Variants in CNTN5 observed in about 807,000 individuals in gnomAD.
CNTN5 encodes the protein contactin 5.
In CNTN5, 77 loss-of-function variants were observed where a neutral mutation model predicts 129.1. The observed-to-expected ratio is 0.60, with a 90% CI of 0.50 to 0.72. The LOEUF is 0.72. Ranked by LOEUF, CNTN5 falls within the 30% of genes least tolerant of loss-of-function variation. CNTN5 has a pLI of 0.00. For missense variants in CNTN5, 1,478 were observed against 1,328.8 expected (o/e 1.11, Z -1.75); for synonymous variants, 509 against 465.6 (o/e 1.09, Z -1.20).
At chr11:99,378,244 G>A (rs1474569622) in intron 2 of CNTN5, among the ~76,000 whole-genome samples, 1 of 151,982 alleles carries the variant, frequency 6.6e-6, no homozygotes, top group African/African-American at 2.4e-5. Flanking sequence ...GAACTTCCTT[G>A]TTAACTCATT....
intron 4 of CNTN5, among the ~76,000 whole-genome samples, chr11:99,827,730 TA>T (rs1947010605): frequency 6.6e-6 from 1 of 152,216 alleles, no homozygotes; most frequent in South Asian, 2.1e-4. Flanking sequence ...AGATTGGCTC[TA>T]AAAAGTAGCT....
At chr11:99,537,308 G>A (rs1371416028) in intron 2 of CNTN5, among the ~76,000 whole-genome samples, 1 of 152,070 alleles carries the variant, frequency 6.6e-6, no homozygotes, top group Non-Finnish European at 1.5e-5. Flanking sequence ...CATTTCGCAA[G>A]CAAATAAATC....
At chr11:100,273,600 C>T (rs975157239) in intron 18 of CNTN5, among the ~76,000 whole-genome samples, 1 of 152,070 alleles carries the variant, frequency 6.6e-6, no homozygotes, top group Non-Finnish European at 1.5e-5. Context: ...AGTGCCCTGC[C>T]CCCAGCCAAC....
intron 1 of CNTN5, among the ~76,000 whole-genome samples, chr11:99,252,807 CA>C (rs1467549035): frequency 2.0e-4 from 31 of 152,072 alleles, no homozygotes; most frequent in African/African-American, 6.0e-4. Context: ...TGCTCTAATT[CA>C]TTGGAGACAT....
In CNTN5 at chr11:100,357,798, T is replaced by C. The variant is rs1184678641; in HGVS notation, c.*1578T>C. The C allele has an allele frequency of 6.6e-6, 1 of 151,948 alleles. No individual in the cohort carries two copies. Among genetic ancestry groups the C allele is most frequent in the Non-Finnish European group, 1.5e-5 (1 of 67,810 alleles). The allele number at this position is 151,948 out of a possible 1,614,324, so 9.4% of individuals were successfully genotyped here. A position where few individuals can be genotyped will look rare whatever the true frequency, so the allele number is the denominator to read the frequency against. ...GAATCAGAGAAGTGATTGAAGTTTCTGTTCTGAACATCCTGAAAGAATAGT... is the reference window on the plus strand; with the variant it reads ...GAATCAGAGAAGTGATTGAAGTTTCCGTTCTGAACATCCTGAAAGAATAGT... On this transcript the variant is annotated 3_prime_UTR_variant, in exon 25 of 25. Transcript: ENST00000524871.
chr11:99,125,083 G>A (rs985663791), intron 1 of CNTN5, among the ~76,000 whole-genome samples: 8 of 151,924 alleles, frequency 5.3e-5, no homozygotes, highest in Non-Finnish European at 1.0e-4. Context: ...ACAAAAAATT[G>A]AGGAGGAAGG....
intron 9 of CNTN5, among the ~76,000 whole-genome samples, chr11:100,012,484 T>C (rs796576100): frequency 8.5e-5 from 13 of 152,192 alleles, no homozygotes; most frequent in African/African-American, 2.9e-4. Flanking sequence ...AGAGGTGTTA[T>C]GTGTTTTCAG....
intron 1 of CNTN5, among the ~76,000 whole-genome samples, chr11:99,037,576 CTTTTTTTT>C (rs1161467398): frequency 9.5e-6 from 1 of 105,668 alleles, no homozygotes; most frequent in Non-Finnish European, 1.9e-5. Context: ...TTTTTCTTTT[CTTTTTTTT>C]TTTTTTTTTT....
intron 16 of CNTN5, among the ~76,000 whole-genome samples, chr11:100,247,086 C>T (rs556958116): frequency 5.7e-4 from 87 of 152,246 alleles, no homozygotes; most frequent in African/African-American, 2.0e-3. Context: ...GTATGCAATA[C>T]AGGAATTTTA....
intron 1 of CNTN5, among the ~76,000 whole-genome samples, chr11:99,297,911 A>G (rs192512035): frequency 6.6e-6 from 1 of 152,184 alleles, no homozygotes; most frequent in Admixed American, 6.5e-5. Context: ...AAGCCAGTTC[A>G]TTCCTGTATC....
chr11:100,311,605 G>A (rs117135135), intron 21 of CNTN5, among the ~76,000 whole-genome samples: 4,256 of 152,058 alleles, frequency 0.028, 80 homozygotes, highest in Non-Finnish European at 0.039. Flanking sequence ...ACTCAATAAA[G>A]GAGAGGAGAG....
chr11:99,666,050 C>T (rs1353454619), intron 3 of CNTN5, among the ~76,000 whole-genome samples: 2 of 151,938 alleles, frequency 1.3e-5, no homozygotes, highest in Non-Finnish European at 2.9e-5. Flanking sequence ...CTGCAATCTC[C>T]ACCTCCCAGG....
chr11:99,077,498 A>C (rs530546485), intron 1 of CNTN5, among the ~76,000 whole-genome samples: 1 of 152,328 alleles, frequency 6.6e-6, no homozygotes, highest in African/African-American at 2.4e-5. Flanking sequence ...CATTTTAAAT[A>C]TCTCTGAGAT....
intron 3 of CNTN5, among the ~76,000 whole-genome samples, chr11:99,716,532 A>G (rs149787923): frequency 6.6e-6 from 1 of 152,130 alleles, no homozygotes; most frequent in Non-Finnish European, 1.5e-5. Context: ...CAGTCCCATA[A>G]GACAACTAAC....
chr11:99,841,797 ATATGTGGTGTGTGTG>A (rs1565592915), intron 4 of CNTN5, among the ~76,000 whole-genome samples: 1 of 9,756 alleles, frequency 1.0e-4, no homozygotes, highest in Admixed American at 3.8e-4. Context: ...ATATATATAT[ATATGTGGTGTGTGTG>A]TATATATGTG....
intron 17 of CNTN5, among the ~76,000 whole-genome samples, chr11:100,256,543 G>C (rs1950073787): frequency 6.6e-6 from 1 of 152,102 alleles, no homozygotes; most frequent in Non-Finnish European, 1.5e-5. Flanking sequence ...CTGGTCTGCA[G>C]TTCCCAATGA....
chr11:100,246,222 T>C (rs1949837144), intron 16 of CNTN5, among the ~76,000 whole-genome samples: 4 of 152,154 alleles, frequency 2.6e-5, no homozygotes, highest in Admixed American at 1.3e-4. Context: ...ATTTAGAAAG[T>C]ACTTTGTACA....
chr11:100,064,363 T>A (rs1167813135), intron 10 of CNTN5, among the ~76,000 whole-genome samples: 4 of 152,166 alleles, frequency 2.6e-5, no homozygotes, highest in Non-Finnish European at 5.9e-5. Flanking sequence ...CACATAAGTT[T>A]AAGCTGCAGA....
intron 6 of CNTN5, among the ~76,000 whole-genome samples, chr11:99,902,151 G>C (rs1253784297): frequency 6.6e-6 from 1 of 151,714 alleles, no homozygotes; most frequent in East Asian, 1.9e-4. Flanking sequence ...TCTAATAGTA[G>C]AAGATTAGTA....
Sources: allele counts gnomAD v4.1 joint callset (sites outside exome capture counted in the v4.1 genomes callset), GRCh38; gene constraint gnomAD v4.1.1; transcripts MANE v1.5; gene names NCBI Gene and HGNC (gene_info 2026-07-23, HGNC 2026-07-21).